CSGALNACT1: variants seen among roughly 807,000 people sequenced by gnomAD.
CSGALNACT1 encodes chondroitin sulfate N-acetylgalactosaminyltransferase 1, also known as beta4GalNAcT-1.
CSGALNACT1 carries 52 observed loss-of-function variants against 51.0 expected under a neutral mutation model. The observed-to-expected ratio is 1.02, with a 90% CI of 0.82 to 1.29. The LOEUF (loss-of-function observed/expected upper bound fraction) is 1.29, where lower values mean the gene tolerates loss of function less well. Ranked by LOEUF, CSGALNACT1 falls within the 50% of genes most tolerant of loss-of-function variation. The pLI is 0.00. For missense variants in CSGALNACT1, 935 were observed against 679.2 expected (o/e 1.38, Z -4.19); for synonymous variants, 341 against 254.4 (o/e 1.34, Z -3.24).
chr8:19,707,322 G>A (rs1051008669), intron 1 of CSGALNACT1, among the ~76,000 whole-genome samples: 9 of 152,188 alleles, frequency 5.9e-5, no homozygotes, highest in African/African-American at 2.2e-4. Flanking sequence ...TAATAGCTCT[G>A]TGAACTAAGG....
At chr8:19,580,571 C>A (rs1204723956) in intron 3 of CSGALNACT1, among the ~76,000 whole-genome samples, 3 of 152,156 alleles carry the variant, frequency 2.0e-5, no homozygotes, top group Non-Finnish European at 1.5e-5. Flanking sequence ...AGAAATAGAT[C>A]TTCCTTGGAG....
chr8:19,630,170 T>G (rs2055022997), intron 1 of CSGALNACT1, among the ~76,000 whole-genome samples: 1 of 149,234 alleles, frequency 6.7e-6, no homozygotes, highest in Non-Finnish European at 1.5e-5. Context: ...CCAGAGAAGA[T>G]TAGCCATCCA....
intron 1 of CSGALNACT1, among the ~76,000 whole-genome samples, chr8:19,617,215 G>GC: frequency 6.6e-6 from 1 of 152,250 alleles, no homozygotes; most frequent in East Asian, 1.9e-4. Context: ...TATCTGACAG[G>GC]AGGCAGAGCT....
chr8:19,721,546 T>C (rs939810444), intron 1 of CSGALNACT1, among the ~76,000 whole-genome samples: 7 of 152,166 alleles, frequency 4.6e-5, no homozygotes, highest in Admixed American at 3.9e-4. Context: ...ACATGAGCCA[T>C]AGCTGGGGTG....
intron 1 of CSGALNACT1, among the ~76,000 whole-genome samples, chr8:19,725,490 T>C (rs1037413662): frequency 6.6e-6 from 1 of 151,042 alleles, no homozygotes; most frequent in Non-Finnish European, 1.5e-5. Flanking sequence ...AGTGGCGTGA[T>C]CTCGGCTCAC....
At chr8:19,666,971 GAAAGAAAGAAAGAAAGAAAGAAAGAA>G (rs1564385159) in intron 1 of CSGALNACT1, among the ~76,000 whole-genome samples, 20 of 7,670 alleles carry the variant, frequency 2.6e-3, no homozygotes, top group African/African-American at 0.017. Flanking sequence ...AAGAAAGAAA[GAAAGAAAGAAAGAAAGAAAGAAAGAA>G]AGAAAGAAAG....
intron 1 of CSGALNACT1, among the ~76,000 whole-genome samples, chr8:19,754,631 A>G (rs778377938): frequency 6.6e-6 from 1 of 152,210 alleles, no homozygotes; most frequent in Non-Finnish European, 1.5e-5. Context: ...ACAGTACCAA[A>G]TCCATCATTT....
upstream of CSGALNACT1, among the ~76,000 whole-genome samples, chr8:19,684,714 G>A (rs1008515031): frequency 5.3e-5 from 8 of 152,154 alleles, no homozygotes; most frequent in African/African-American, 1.9e-4. Context: ...TCTGGAAAGG[G>A]AAGAAAAGCC....
At chr8:19,488,315 A>G (rs1261464135) in intron 4 of CSGALNACT1, among the ~76,000 whole-genome samples, 1 of 148,596 alleles carries the variant, frequency 6.7e-6, no homozygotes, top group Non-Finnish European at 1.5e-5. Context: ...ATGCCACTGC[A>G]CTCCAGTCTG....
intron 4 of CSGALNACT1, 101 bp downstream of exon 3, chr8:19,505,100 C>T: frequency 3.0e-6 from 4 of 1,348,786 alleles, no homozygotes; most frequent in Non-Finnish European, 4.3e-6. Context: ...GCCAGCCATC[C>T]CAGAGCCAGC....
intron 6 of CSGALNACT1, among the ~76,000 whole-genome samples, chr8:19,433,482 C>T (rs1416638062): frequency 2.0e-5 from 3 of 152,204 alleles, no homozygotes; most frequent in Non-Finnish European, 4.4e-5. Flanking sequence ...TTTGATTAGT[C>T]TATTGTTTGC....
rs181129691 is a variant in CSGALNACT1, at chr8:19,753,385, T to A, written c.-297+4465A>T. Reference sequence around the variant, plus strand: ...AAAACCAGATTGTCTTACCGTAAAATCCTGCCATGTAAATATCAGAATTGG... The same window carrying A: ...AAAACCAGATTGTCTTACCGTAAAAACCTGCCATGTAAATATCAGAATTGG... On this transcript the variant is annotated intron_variant, in intron 1 of 1. Coordinates refer to the CSGALNACT1 transcript ENST00000517494. Among the ~76,000 whole-genome samples, 244 of 152,262 alleles carry A rather than the reference T, an allele frequency of 1.6e-3. 1 individual carries two copies. Among genetic ancestry groups the A allele is most frequent in the Non-Finnish European group, 2.2e-3 (148 of 68,016 alleles).
chr8:19,655,555 T>C lies in CSGALNACT1; in HGVS notation c.-544+26918A>G, dbSNP rs575422254. Among the ~76,000 whole-genome samples the C allele has an allele frequency of 9.5e-3, 393 of 41,218 alleles. 1 individual carries two copies. Among genetic ancestry groups the C allele is most frequent in the Admixed American group, 0.02 (54 of 2,708 alleles). 27.0% of individuals were successfully genotyped at this position (41,218 alleles called of 152,430 possible). A position where few individuals can be genotyped will look rare whatever the true frequency, so the allele number is the denominator to read the frequency against. On this transcript the variant is annotated intron_variant, in intron 1 of 9. Coordinates refer to the CSGALNACT1 transcript ENST00000332246. ...TTACATATACATCTATATGCACATATATATACACACACACACACACACACA... is the reference window on the plus strand; with the variant it reads ...TTACATATACATCTATATGCACATACATATACACACACACACACACACACA...
chr8:19,666,642 G>C (rs1163548853), intron 1 of CSGALNACT1, among the ~76,000 whole-genome samples: 1 of 151,128 alleles, frequency 6.6e-6, no homozygotes, highest in Non-Finnish European at 1.5e-5. Context: ...AGGTTACAGT[G>C]AGCCGATATT....
chr8:19,640,659 C>G (rs530852464), intron 1 of CSGALNACT1, among the ~76,000 whole-genome samples: 19 of 152,318 alleles, frequency 1.2e-4, no homozygotes, highest in African/African-American at 4.6e-4. Context: ...ATCTGGCACA[C>G]TTGAATCTAA....
chr8:19,630,506 T>C (rs2055100616), intron 1 of CSGALNACT1, among the ~76,000 whole-genome samples: 1 of 152,048 alleles, frequency 6.6e-6, no homozygotes, highest in Admixed American at 6.6e-5. Flanking sequence ...TAACTTTACA[T>C]TAGGATTCAC....
intron 3 of CSGALNACT1, among the ~76,000 whole-genome samples, chr8:19,571,050 C>T (rs1438573331): frequency 6.6e-6 from 1 of 152,170 alleles, no homozygotes; most frequent in African/African-American, 2.4e-5. Flanking sequence ...ACAATCACTG[C>T]AGCCTCAACC....
At chr8:19,615,017 T>G (rs778859660) in intron 1 of CSGALNACT1, among the ~76,000 whole-genome samples, 18 of 152,186 alleles carry the variant, frequency 1.2e-4, no homozygotes, top group Non-Finnish European at 2.1e-4. Flanking sequence ...CTCAACAAAC[T>G]GACTTTAATG....
At chr8:19,699,242 G>A (rs1013847411) in intron 1 of CSGALNACT1, among the ~76,000 whole-genome samples, 2 of 151,980 alleles carry the variant, frequency 1.3e-5, no homozygotes, top group African/African-American at 4.8e-5. Context: ...AATATTTTCA[G>A]GTCACAGTTG....
Sources: gnomAD v4.1 joint callset for allele counts (sites outside exome capture counted in the v4.1 genomes callset) on GRCh38, gnomAD v4.1.1 for gene constraint, MANE v1.5 for transcripts, NCBI Gene and HGNC (gene_info 2026-07-23, HGNC 2026-07-21) for gene names.